The following PCDHGB1 variants were observed in gnomAD, a reference collection of about 807,000 sequenced individuals.
PCDHGB1 encodes protocadherin gamma subfamily B, 1.
PCDHGB1 carries 34 observed loss-of-function variants against 56.6 expected under a neutral mutation model. The observed-to-expected ratio is 0.60, with a 90% CI of 0.46 to 0.80. The LOEUF is 0.80. Ranked by LOEUF, PCDHGB1 falls within the 30% of genes least tolerant of loss-of-function variation. The probability of loss-of-function intolerance (pLI) is 0.00; values close to 1 mark genes in which losing one functional copy is unlikely to be tolerated. For synonymous variants in PCDHGB1, 561 were observed against 505.9 expected (o/e 1.11, Z -1.46); for missense variants, 1,278 against 1,204.6 (o/e 1.06, Z -0.90).
chr5:141,431,474 G>A lies in PCDHGB1; in HGVS notation c.2410-63333G>A, dbSNP rs747313827. 2 of 1,613,842 alleles carry A rather than the reference G, an allele frequency of 1.2e-6. No homozygotes were observed. Among genetic ancestry groups the A allele is most frequent in the East Asian group, 4.5e-5 (2 of 44,886 alleles). ...GATGGTTCTGGATGCGAACGACAACGCACCAGCGTTTGCTCAGCCCGAGTA... is the reference window on the plus strand; with the variant it reads ...GATGGTTCTGGATGCGAACGACAACACACCAGCGTTTGCTCAGCCCGAGTA... On this transcript the variant is annotated intron_variant, in intron 1 of 3. Coordinates refer to ENST00000523390, the MANE Select transcript of PCDHGB1 (RefSeq NM_018922.3). This position sits in a 1 kb window ranked among gnomAD's most constrained non-coding sequence, Gnocchi z 4.8.
chr5:141,485,867 G>A lies in PCDHGB1; in HGVS notation c.2410-8940G>A. On this transcript the variant is annotated intron_variant, in intron 1 of 3. Coordinates refer to ENST00000523390, the MANE Select transcript of PCDHGB1 (RefSeq NM_018922.3). The surrounding 1 kb of genome is among the most constrained non-coding windows in gnomAD (Gnocchi z 5.7). ...TGGCACCGCAGAGCTCCGGGTATCC[G>A]TGCTGGACGTAAACGACAACGCCCC... The A allele has an allele frequency of 1.9e-6, 3 of 1,614,164 alleles. No homozygotes were observed. Among genetic ancestry groups the A allele is most frequent in the Non-Finnish European group, 8.5e-7 (1 of 1,180,040 alleles).
At position 141,350,867 on chromosome 5, in the gene PCDHGB1, A is replaced by G; in HGVS notation, c.607A>G (p.Ser203Gly). ...AAAACCTCTAGACAGGGAACATCAG[A>G]GCTCTCATCGCTTAATCCTGACTGC... ...LEKPLDREHQ[S>G]SHRLILTAMD... Residue 203 changes from serine to glycine, a missense_variant, in exon 1 of 4, where the codon AGC becomes GGC. By Grantham distance (56) the Ser-to-Gly change is moderately conservative. Coordinates refer to ENST00000523390, the MANE Select transcript of PCDHGB1 (RefSeq NM_018922.3). 4 of 1,614,074 alleles carry G rather than the reference A, an allele frequency of 2.5e-6. No homozygotes were observed. The highest frequency in any genetic ancestry group is 2.2e-5 in the East Asian group (1 of 44,886).
intron 1 of PCDHGB1, among the ~76,000 whole-genome samples, chr5:141,397,505 T>A (rs2093531906): frequency 6.6e-6 from 1 of 152,158 alleles, no homozygotes; most frequent in South Asian, 2.1e-4. Context: ...ATGATAAAAT[T>A]GTTTCCATAG....
chr5:141,377,812 C>T (rs535022477), intron 1 of PCDHGB1: 1 of 152,244 alleles, frequency 6.6e-6, no homozygotes, highest in Admixed American at 6.5e-5. Flanking sequence ...CTGTTATTTA[C>T]TTGGGCCAGT....
At chr5:141,390,423 C>A in intron 1 of PCDHGB1, 1 of 1,058,544 alleles carries the variant, frequency 9.4e-7, no homozygotes, top group Non-Finnish European at 1.3e-6. Context: ...AGTTAAAAAG[C>A]TGTCATATCA....
chr5:141,447,514 C>T (rs901543835), intron 1 of PCDHGB1, among the ~76,000 whole-genome samples: 20 of 152,196 alleles, frequency 1.3e-4, no homozygotes, highest in Admixed American at 8.5e-4. Context: ...AGATGCATAA[C>T]AATCATAACA....
At position 141,432,669 on chromosome 5, in the gene PCDHGB1, C is replaced by T. The variant is rs777314784; in HGVS notation, c.2410-62138C>T. ...GCGCGAGCCCTGCTGGACAGAGACG[C>T]GCTCAAGCAGAGCCTCGTAGTGGCC... On this transcript the variant is annotated intron_variant, in intron 1 of 3. Transcript: ENST00000523390. This position sits in a 1 kb window ranked among gnomAD's most constrained non-coding sequence, Gnocchi z 6.0. 1 of 1,613,894 alleles carries T rather than the reference C, an allele frequency of 6.2e-7. No homozygotes were observed.
intron 1 of PCDHGB1, among the ~76,000 whole-genome samples, chr5:141,451,001 A>AT (rs1164946963): frequency 2.0e-5 from 3 of 148,376 alleles, no homozygotes; most frequent in South Asian, 2.1e-4. Context: ...ATTTTTTTGT[A>AT]TTTTTTTTAG....
At chr5:141,357,932 G>A (rs1588531213) in intron 1 of PCDHGB1, among the ~76,000 whole-genome samples, 1 of 152,166 alleles carries the variant, frequency 6.6e-6, no homozygotes, top group East Asian at 1.9e-4. Context: ...GCTCACACCT[G>A]TAATCCTAAC....
Position 141,399,560 on chromosome 5 carries a change from G to A in PCDHGB1, c.2409+46891G>A, listed in dbSNP as rs1354621756. The A allele has an allele frequency of 6.8e-6, 11 of 1,613,906 alleles. No homozygotes were observed. The Admixed American group carries it at 1.3e-4, about 20-fold the overall frequency. ...GTCTGCGCCTCGGACCTGGACTTGG[G>A]GTTGAACGGCCAAGTCTCCTACTCT... is the stretch of plus-strand genomic sequence containing the variant. On this transcript the variant is annotated intron_variant, in intron 1 of 3. Coordinates refer to ENST00000523390, the MANE Select transcript of PCDHGB1 (RefSeq NM_018922.3).
intron 1 of PCDHGB1, among the ~76,000 whole-genome samples, chr5:141,482,356 G>A (rs1330274684): frequency 6.6e-6 from 1 of 152,118 alleles, no homozygotes; most frequent in Non-Finnish European, 1.5e-5. Flanking sequence ...TGTTGTGAGA[G>A]TGAAAAGTAA....
intron 1 of PCDHGB1, chr5:141,376,465 T>A: frequency 1.9e-6 from 3 of 1,614,178 alleles, no homozygotes; most frequent in East Asian, 2.2e-5. Flanking sequence ...TTCTGATAAC[T>A]CAGGATTTAC....
chr5:141,402,563 T>C (rs2094279860), intron 1 of PCDHGB1, among the ~76,000 whole-genome samples: 1 of 152,232 alleles, frequency 6.6e-6, no homozygotes, highest in African/African-American at 2.4e-5. Flanking sequence ...TTCCACTTTA[T>C]TTACAACTCA....
Position 141,476,441 on chromosome 5 carries a change from GAGTTGGT to G in PCDHGB1, c.2410-18362_2410-18356del. 3 of 1,614,160 alleles carry G rather than the reference GAGTTGGT, an allele frequency of 1.9e-6. No homozygotes were observed. The South Asian group carries it at 3.3e-5, about 18-fold the overall frequency. ...ACTGCCCTCTTGCACTGTAACTCTG[GAGTTGGT>G]AGTGGAGAACCCGCTGGAGCTGTTC... On this transcript the variant is annotated intron_variant, in intron 1 of 3. Transcript: ENST00000523390. The surrounding 1 kb of genome is among the most constrained non-coding windows in gnomAD (Gnocchi z 7.6).
chr5:141,427,361 A>ACC (rs781206288), intron 1 of PCDHGB1: 1 of 457,772 alleles, frequency 2.2e-6, no homozygotes, highest in South Asian at 1.5e-5. Context: ...AGGACGCAGA[A>ACC]CCCTGGACGG....
At chr5:141,422,965 C>T (rs2096693602) in intron 1 of PCDHGB1, 2 of 1,614,116 alleles carry the variant, frequency 1.2e-6, no homozygotes, top group African/African-American at 2.7e-5. Context: ...GGAGCTGGCG[C>T]CCCGCTCTGC....
chr5:141,419,656 G>C lies in PCDHGB1; in HGVS notation c.2409+66987G>C. The C allele has an allele frequency of 1.9e-6, 3 of 1,612,648 alleles. No homozygotes were observed. The East Asian group carries it at 6.7e-5, about 36-fold the overall frequency. ...TGGTGGCCGTGGACGCGGACTCGGGGCACAATGCCTGGCTGTCCTACCACG... is the reference window on the plus strand; with the variant it reads ...TGGTGGCCGTGGACGCGGACTCGGGCCACAATGCCTGGCTGTCCTACCACG... On this transcript the variant is annotated intron_variant, in intron 1 of 3. Transcript: ENST00000523390.
intron 1 of PCDHGB1, chr5:141,393,405 C>T (rs777100284): frequency 1.2e-6 from 2 of 1,614,032 alleles, no homozygotes; most frequent in Non-Finnish European, 1.7e-6. Flanking sequence ...GGTGCTGGAG[C>T]GCGCCCTGGA....
intron 2 of PCDHGB1, among the ~76,000 whole-genome samples, chr5:141,502,428 A>C (rs2099814217): frequency 6.6e-6 from 1 of 151,978 alleles, no homozygotes; most frequent in South Asian, 2.1e-4. Flanking sequence ...CTATTCTCTG[A>C]TGGTTAGATT....
Sources: allele counts gnomAD v4.1 joint callset (sites outside exome capture counted in the v4.1 genomes callset), GRCh38; gene constraint gnomAD v4.1.1; non-coding constraint Gnocchi (gnomAD v3.1); transcripts MANE v1.5; gene names NCBI Gene and HGNC (gene_info 2026-07-23, HGNC 2026-07-21).